Variants in MUC7 observed in about 807,000 individuals in gnomAD.
MUC7 encodes mucin 7, secreted.
A neutral mutation model predicts 2.5 loss-of-function variants in MUC7; 2 were observed. The observed-to-expected ratio is 0.81, with a 90% CI of 0.33 to 2.55. The LOEUF is 2.55. MUC7 is among the 30% of genes most tolerant of loss of function. The probability of loss-of-function intolerance (pLI) is 0.11; values close to 1 mark genes in which losing one functional copy is unlikely to be tolerated. For missense variants in MUC7, 408 were observed against 455.6 expected, an observed-to-expected ratio of 0.90 and a Z score of 0.95; for synonymous variants, 133 against 173.4, an observed-to-expected ratio of 0.77 and a Z score of 1.83.
intron 1 of MUC7, among the ~76,000 whole-genome samples, chr4:70,456,166 A>T (rs1325787952): frequency 6.6e-6 from 1 of 152,012 alleles, no homozygotes; most frequent in African/African-American, 2.4e-5. Flanking sequence ...TCACTTCCAT[A>T]TTTTCAAATA....
chr4:70,466,866 C>A (rs551351459), intron 1 of MUC7, among the ~76,000 whole-genome samples: 1 of 152,308 alleles, frequency 6.6e-6, no homozygotes, highest in African/African-American at 2.4e-5. Context: ...AGAAAATTAA[C>A]AAGGATATTC....
intron 1 of MUC7, among the ~76,000 whole-genome samples, chr4:70,465,325 A>C (rs566428091): frequency 3.9e-5 from 6 of 152,310 alleles, no homozygotes; most frequent in African/African-American, 1.2e-4. Flanking sequence ...AAATTCCAAA[A>C]ACCAGAATGC....
chr4:70,444,892 A>T (rs1734089914), intron 1 of MUC7, among the ~76,000 whole-genome samples: 1 of 152,110 alleles, frequency 6.6e-6, no homozygotes, highest in South Asian at 2.1e-4. Flanking sequence ...TTTGTACTAA[A>T]AATACAAAAA....
At chr4:70,453,963 G>T (rs772903873) in intron 1 of MUC7, among the ~76,000 whole-genome samples, 3 of 152,068 alleles carry the variant, frequency 2.0e-5, no homozygotes, top group Non-Finnish European at 4.4e-5. Flanking sequence ...TAGAATGGGG[G>T]CCTCACTATT....
At chr4:70,463,286 A>G (rs1374556837) in intron 1 of MUC7, among the ~76,000 whole-genome samples, 1 of 152,244 alleles carries the variant, frequency 6.6e-6, no homozygotes, top group Non-Finnish European at 1.5e-5. Flanking sequence ...TATTCAAATT[A>G]TGTCTTACAG....
intron 1 of MUC7, among the ~76,000 whole-genome samples, chr4:70,473,371 G>C (rs557158386): frequency 6.6e-6 from 1 of 152,108 alleles, no homozygotes; most frequent in East Asian, 1.9e-4. Flanking sequence ...TTGAGTCTGG[G>C]GGGTGCAGGC....
At chr4:70,461,934 G>A (rs563945882) in intron 1 of MUC7, among the ~76,000 whole-genome samples, 16 of 152,284 alleles carry the variant, frequency 1.1e-4, no homozygotes, top group African/African-American at 3.1e-4. Flanking sequence ...AAGCTGGGCC[G>A]ACCATAGTGG....
chr4:70,443,152 A>G (rs1167064038), intron 1 of MUC7, among the ~76,000 whole-genome samples: 1 of 152,164 alleles, frequency 6.6e-6, no homozygotes, highest in Non-Finnish European at 1.5e-5. Context: ...TATTCACCCT[A>G]AATTAGATCA....
chr4:70,480,958 C>T lies in MUC7; in HGVS notation c.214C>T (p.Pro72Ser). 1.9e-6 allele frequency: 3 copies of T among 1,614,044 alleles called. No individual in the cohort carries two copies. Among genetic ancestry groups the T allele is most frequent in the Non-Finnish European group, 2.5e-6 (3 of 1,179,988 alleles). Residue 72 changes from proline to serine, a missense_variant, in exon 3 of 3, where the codon CCT becomes TCT. Coordinates refer to ENST00000304887, the MANE Select transcript of MUC7 (RefSeq NM_152291.3). ...TAAATGTCTGCACAAACGCTGTAGG[C>T]CTAAGCTTCCACCTTCACCTAATAA... ...SYKCLHKRCR[P>S]KLPPSPNNPP...
At chr4:70,461,478 T>C (rs1267832296) in intron 1 of MUC7, among the ~76,000 whole-genome samples, 1 of 152,234 alleles carries the variant, frequency 6.6e-6, no homozygotes, top group East Asian at 1.9e-4. Flanking sequence ...CTTTTGGGTA[T>C]ACTCTGCCTC....
chr4:70,482,491 CAAT>C lies in MUC7; in HGVS notation c.*616_*618del, dbSNP rs1346437816. ...TGAAGTGAGGATTAGAAGTGAATGACAATAAAGTCTGTCAGCCAAGCACGAACC... is the reference window on the plus strand; with the variant it reads ...TGAAGTGAGGATTAGAAGTGAATGACAAAGTCTGTCAGCCAAGCACGAACC... On this transcript the variant is annotated 3_prime_UTR_variant, in exon 3 of 3. Transcript: ENST00000304887. The C allele has an allele frequency of 6.6e-6, 1 of 152,568 alleles. No individual in the cohort carries two copies. Among genetic ancestry groups the C allele is most frequent in the East Asian group, 1.9e-4 (1 of 5,184 alleles). The allele number at this position is 152,568 out of a possible 1,614,324, so 9.5% of individuals were successfully genotyped here. A position where few individuals can be genotyped will look rare whatever the true frequency, so the allele number is the denominator to read the frequency against.
At chr4:70,430,871 A>C (rs1158711300) in intron 1 of MUC7, among the ~76,000 whole-genome samples, 2 of 152,176 alleles carry the variant, frequency 1.3e-5, no homozygotes, top group Non-Finnish European at 2.9e-5. Flanking sequence ...ATGTAATTTA[A>C]CAGTATGACA....
intron 1 of MUC7, among the ~76,000 whole-genome samples, chr4:70,454,132 T>A (rs1734358483): frequency 6.6e-6 from 1 of 152,116 alleles, no homozygotes; most frequent in South Asian, 2.1e-4. Flanking sequence ...GCACAGGCTC[T>A]CCATTAGCCA....
chr4:70,459,254 A>T (rs981375713), intron 1 of MUC7, among the ~76,000 whole-genome samples: 4 of 152,222 alleles, frequency 2.6e-5, no homozygotes, highest in Non-Finnish European at 5.9e-5. Flanking sequence ...GCAGCCGTAA[A>T]AAATGATGAG....
upstream of MUC7, among the ~76,000 whole-genome samples, chr4:70,471,682 A>G (rs1459795347): frequency 6.6e-6 from 1 of 152,160 alleles, no homozygotes; most frequent in African/African-American, 2.4e-5. Flanking sequence ...AAAGTCAAAA[A>G]TTGTTTTTAA....
intron 1 of MUC7, among the ~76,000 whole-genome samples, chr4:70,455,585 G>A (rs983622636): frequency 2.0e-5 from 3 of 152,098 alleles, no homozygotes; most frequent in African/African-American, 7.2e-5. Context: ...TCATTTTACA[G>A]AGCCTGGTAT....
At chr4:70,451,024 G>A (rs1734267005) in intron 1 of MUC7, among the ~76,000 whole-genome samples, 1 of 152,106 alleles carries the variant, frequency 6.6e-6, no homozygotes, top group Admixed American at 6.5e-5. Context: ...GACTGCCTAA[G>A]AGTTGCAGCC....
At position 70,434,354 on chromosome 4, in the gene MUC7, CT is replaced by C. The variant is rs545800579; in HGVS notation, c.-93+3674del. On this transcript the variant is annotated intron_variant, in intron 1 of 3. Transcript: ENST00000413702. ...AGCTGTGAATCCATCTGGTCCTGGA[CT>C]TTTTTTGTTGGTAAGCTATTAATTA... Among the ~76,000 whole-genome samples, 339 of 152,156 alleles carry C rather than the reference CT, an allele frequency of 2.2e-3. 1 individual carries two copies. The highest frequency in any genetic ancestry group is 7.3e-3 in the African/African-American group (305 of 41,534).
At chr4:70,442,140 C>T (rs574487191) in intron 1 of MUC7, among the ~76,000 whole-genome samples, 1 of 152,286 alleles carries the variant, frequency 6.6e-6, no homozygotes, top group Non-Finnish European at 1.5e-5. Context: ...GAGTTCATCT[C>T]CTTGGTAAAC....
Sources: gnomAD v4.1 joint callset for allele counts (sites outside exome capture counted in the v4.1 genomes callset) on GRCh38, gnomAD v4.1.1 for gene constraint, MANE v1.5 for transcripts, NCBI Gene and HGNC (gene_info 2026-07-23, HGNC 2026-07-21) for gene names.